Variants in PTPRE observed in about 807,000 individuals in gnomAD.
The protein encoded by PTPRE is protein tyrosine phosphatase receptor type E.
A neutral mutation model predicts 102.0 loss-of-function variants in PTPRE; 51 were observed. That is an observed-to-expected ratio of 0.50 (90% CI 0.40 to 0.63). The LOEUF (loss-of-function observed/expected upper bound fraction) is 0.63. Among genes scored for constraint, PTPRE ranks in the 30% least tolerant of loss-of-function variants. The probability of loss-of-function intolerance (pLI) is 0.00; values close to 1 mark genes in which losing one functional copy is unlikely to be tolerated. For synonymous variants in PTPRE, 345 were observed against 348.2 expected (o/e 0.99, Z 0.10); for missense variants, 752 against 915.1 (o/e 0.82, Z 2.30).
intron 2 of PTPRE, among the ~76,000 whole-genome samples, chr10:128,018,128 G>A (rs1412752666): frequency 6.6e-6 from 1 of 152,150 alleles, no homozygotes; most frequent in African/African-American, 2.4e-5. Context: ...TGAGAGGGGT[G>A]CCTGTTCCGG....
At chr10:127,909,229 G>C (rs1845698235) in intron 1 of PTPRE, among the ~76,000 whole-genome samples, 2 of 152,194 alleles carry the variant, frequency 1.3e-5, no homozygotes, top group Admixed American at 6.5e-5. Flanking sequence ...AGATGCGGCT[G>C]TGTGTGTACA....
chr10:128,077,414 AG>A (rs1334016674), intron 18 of PTPRE, among the ~76,000 whole-genome samples: 1 of 152,216 alleles, frequency 6.6e-6, no homozygotes, highest in Non-Finnish European at 1.5e-5. Context: ...CCCTTGCAGA[AG>A]GAAGCACAGC....
At chr10:128,021,420 G>C (rs1025098185) in intron 2 of PTPRE, among the ~76,000 whole-genome samples, 1 of 152,158 alleles carries the variant, frequency 6.6e-6, no homozygotes, top group East Asian at 1.9e-4. Context: ...AGGGATATTC[G>C]CTGAAATGAG....
chr10:127,960,717 G>A (rs185208833), intron 1 of PTPRE, among the ~76,000 whole-genome samples: 307 of 152,236 alleles, frequency 2.0e-3, no homozygotes, highest in South Asian at 8.1e-3. Context: ...CCAAATACGT[G>A]AGGCTTTTCA....
chr10:127,996,932 CT>C lies in PTPRE; in HGVS notation c.-8+14637del, dbSNP rs1227340979. Among the ~76,000 whole-genome samples, 6 of 152,212 alleles carry C rather than the reference CT, an allele frequency of 3.9e-5. 1 individual carries two copies. In the South Asian group the frequency reaches 1.2e-3, roughly 32 times the overall value. On this transcript the variant is annotated intron_variant, in intron 2 of 20. Transcript: ENST00000254667. ...TTTTAATTCAGAAACAACAAACCTTCTCAGCCTCAAACCAGGCCAATCTTAC... is the reference window on the plus strand; with the variant it reads ...TTTTAATTCAGAAACAACAAACCTTCCAGCCTCAAACCAGGCCAATCTTAC...
In PTPRE at chr10:127,929,029, GAC is replaced by G. The variant is rs1323854242; in HGVS notation, c.-31+21723_-31+21724del. Among the ~76,000 whole-genome samples the G allele has an allele frequency of 5.3e-5, 8 of 152,338 alleles. No homozygotes were observed. The East Asian group carries it at 1.5e-3, about 29-fold the overall frequency. On this transcript the variant is annotated intron_variant, in intron 1 of 20. Coordinates refer to ENST00000254667, the MANE Select transcript of PTPRE (RefSeq NM_006504.6). Reference sequence around the variant, plus strand: ...ACACCTCATTAATTGTAAGCCCAGTGACACTGCTTGCTGTTTCAAGTCACTTT... The same window carrying G: ...ACACCTCATTAATTGTAAGCCCAGTGACTGCTTGCTGTTTCAAGTCACTTT...
intron 2 of PTPRE, among the ~76,000 whole-genome samples, chr10:128,030,731 G>A (rs1470425568): frequency 6.6e-6 from 1 of 152,162 alleles, no homozygotes; most frequent in Non-Finnish European, 1.5e-5. Flanking sequence ...CTGAGGGTTG[G>A]CGTTGCCAGG....
chr10:128,036,206 G>T (rs12571960), intron 2 of PTPRE, among the ~76,000 whole-genome samples: 3,203 of 151,812 alleles, frequency 0.021, 135 homozygotes, highest in East Asian at 0.16. Context: ...CCTTCCTCGG[G>T]CCCTAGTGCA....
chr10:127,966,161 A>G (rs1405071139), intron 1 of PTPRE, among the ~76,000 whole-genome samples: 1 of 152,206 alleles, frequency 6.6e-6, no homozygotes, highest in Non-Finnish European at 1.5e-5. Flanking sequence ...AGGAAGTGGA[A>G]GCTCAAAGAG....
At chr10:128,009,235 G>A (rs898571383) in intron 2 of PTPRE, among the ~76,000 whole-genome samples, 1 of 152,176 alleles carries the variant, frequency 6.6e-6, no homozygotes, top group Non-Finnish European at 1.5e-5. Context: ...AGGAATGTCA[G>A]TGCATAATAA....
chr10:127,945,466 G>T (rs989953379), intron 1 of PTPRE, among the ~76,000 whole-genome samples: 1 of 152,200 alleles, frequency 6.6e-6, no homozygotes, highest in Non-Finnish European at 1.5e-5. Flanking sequence ...CTTTGAGGAG[G>T]CCTCTGTCTC....
At chr10:128,071,311 G>A (rs1027284628) in intron 15 of PTPRE, 27 of 218,690 alleles carry the variant, frequency 1.2e-4, no homozygotes, top group Middle Eastern at 1.9e-3. Flanking sequence ...CCACCCAGCC[G>A]AGGCCATGCA....
intron 2 of PTPRE, among the ~76,000 whole-genome samples, chr10:127,983,780 C>T (rs1365565275): frequency 6.6e-6 from 1 of 152,206 alleles, no homozygotes; most frequent in Non-Finnish European, 1.5e-5. Flanking sequence ...TCTGCCGCTT[C>T]CAAAATTTCC....
chr10:127,972,708 AG>A (rs1341903041), intron 1 of PTPRE, among the ~76,000 whole-genome samples: 1 of 152,184 alleles, frequency 6.6e-6, no homozygotes, highest in Non-Finnish European at 1.5e-5. Context: ...GGGCTGACCA[AG>A]GTCACCCAGT....
intron 1 of PTPRE, among the ~76,000 whole-genome samples, chr10:127,930,899 TCTCCTGCCTCAGC>T (rs1225583434): frequency 2.0e-5 from 3 of 152,026 alleles, no homozygotes; most frequent in Non-Finnish European, 4.4e-5. Flanking sequence ...TTCAAGCGAT[TCTCCTGCCTCAGC>T]CTCCCACGTA....
In PTPRE at chr10:128,068,516, C is replaced by G. The variant is rs553946578; in HGVS notation, c.1007+230C>G. The stretch of plus-strand genomic sequence containing the variant: ...TAAAACCCACCAAAGCCAGGAGGCT[C>G]CGGTTGATGGTGGGAATGGAGTTCT... On this transcript the variant is annotated intron_variant, in intron 12 of 20. Transcript: ENST00000254667. 9 of 397,148 alleles carry G rather than the reference C, an allele frequency of 2.3e-5. No individual in the cohort carries two copies. The South Asian group carries it at 6.3e-4, about 28-fold the overall frequency. 24.6% of individuals were successfully genotyped at this position (397,148 alleles called of 1,614,324 possible).
chr10:128,011,253 T>A (rs1844985208), intron 2 of PTPRE, among the ~76,000 whole-genome samples: 1 of 152,198 alleles, frequency 6.6e-6, no homozygotes. Flanking sequence ...GGATGACTTT[T>A]GGGAATTCAG....
chr10:128,065,172 C>T (rs1329688385), intron 10 of PTPRE, among the ~76,000 whole-genome samples: 6 of 152,210 alleles, frequency 3.9e-5, no homozygotes, highest in Non-Finnish European at 7.3e-5. Context: ...CGTCATAACA[C>T]AATGATGCTG....
intron 2 of PTPRE, among the ~76,000 whole-genome samples, chr10:127,994,016 A>G (rs1013442005): frequency 1.3e-5 from 2 of 152,218 alleles, no homozygotes; most frequent in African/African-American, 2.4e-5. Context: ...ACCCCGGCAC[A>G]TGTCCCATTG....
Sources: gnomAD v4.1 joint callset for allele counts (sites outside exome capture counted in the v4.1 genomes callset) on GRCh38, gnomAD v4.1.1 for gene constraint, MANE v1.5 for transcripts, NCBI Gene and HGNC (gene_info 2026-07-23, HGNC 2026-07-21) for gene names.